Variants in CLU observed in about 807,000 individuals in gnomAD.
The protein encoded by CLU is aging-associated protein 4.
Under a neutral mutation model 46.4 loss-of-function variants are expected in CLU, and 25 were observed. That is an observed-to-expected ratio of 0.54 (90% CI 0.39 to 0.75). The LOEUF is 0.75. Ranked by LOEUF, CLU falls within the 30% of genes least tolerant of loss-of-function variation. CLU has a pLI of 0.00. For synonymous variants in CLU, 235 were observed against 235.1 expected (o/e 1.00, Z 0.00); for missense variants, 504 against 592.1 (o/e 0.85, Z 1.54).
chr8:27,606,681 C>A (rs1800828341), intron 3 of CLU, among the ~76,000 whole-genome samples, 157 bp from the exon 4 acceptor site: 1 of 152,216 alleles, frequency 6.6e-6, no homozygotes, highest in African/African-American at 2.4e-5. Context: ...TTCAAGCTTC[C>A]CCTCATTCGC....
chr8:27,608,346 A>G (rs1295013333), intron 3 of CLU, among the ~76,000 whole-genome samples: 2 of 152,244 alleles, frequency 1.3e-5, no homozygotes, highest in Non-Finnish European at 2.9e-5. Context: ...ACATCTTAGC[A>G]TCTGAAGTAG....
At chr8:27,611,380 C>T in intron 1 of CLU, 1 of 456,962 alleles carries the variant, frequency 2.2e-6, no homozygotes, top group Non-Finnish European at 4.4e-6. Context: ...CTGCCAGGCC[C>T]TCCACACTGC....
chr8:27,599,463 C>T lies in CLU; in HGVS notation c.1164+317G>A. On this transcript the variant is annotated intron_variant, in intron 7 of 8. Coordinates refer to ENST00000316403, the MANE Select transcript of CLU (RefSeq NM_001831.4). This position sits in a 1 kb window ranked among gnomAD's most constrained non-coding sequence, Gnocchi z 4.0. ...AGAACAGAGGCTTCTGGTTTATTCACAGATTTGTGCACCAAAACAAAAACA... is the reference window on the plus strand; with the variant it reads ...AGAACAGAGGCTTCTGGTTTATTCATAGATTTGTGCACCAAAACAAAAACA... 5.3e-6 allele frequency: 2 copies of T among 376,352 alleles called. No individual in the cohort carries two copies. The highest frequency in any genetic ancestry group is 1.0e-5 in the Non-Finnish European group (2 of 199,668). The allele number at this position is 376,352 out of a possible 1,614,324, so 23.3% of individuals were successfully genotyped here. A position where few individuals can be genotyped will look rare whatever the true frequency, so the allele number is the denominator to read the frequency against.
intron 6 of CLU, among the ~76,000 whole-genome samples, chr8:27,601,503 G>C (rs1800721073): frequency 6.6e-6 from 1 of 152,236 alleles, no homozygotes; most frequent in Non-Finnish European, 1.5e-5. Flanking sequence ...GCAGGGAAAA[G>C]AGAATTCATT....
chr8:27,600,179 A>G (rs1451164227), intron 6 of CLU, among the ~76,000 whole-genome samples, 170 bp from the exon 7 acceptor site: 3 of 152,236 alleles, frequency 2.0e-5, no homozygotes. Context: ...GTTTTGCCTC[A>G]GAATGTGAAT....
chr8:27,601,134 C>T (rs1800713356), intron 6 of CLU, among the ~76,000 whole-genome samples: 1 of 152,162 alleles, frequency 6.6e-6, no homozygotes, highest in South Asian at 2.1e-4. Flanking sequence ...CTGCAACCTC[C>T]ACCTCCCGGG....
At chr8:27,613,649 T>C (rs1048219591) in intron 1 of CLU, 4 of 152,222 alleles carry the variant, frequency 2.6e-5, no homozygotes, top group African/African-American at 9.6e-5. Context: ...ATGCAGTTTA[T>C]ACAAGATTCT....
Position 27,597,476 on chromosome 8 carries a change from C to A in CLU, c.*765G>T, listed in dbSNP as rs759085314. 2 of 454,306 alleles carry A rather than the reference C, an allele frequency of 4.4e-6. No individual in the cohort carries two copies. The highest frequency in any genetic ancestry group is 3.1e-5 in the South Asian group (2 of 64,478). The allele number at this position is 454,306 out of a possible 1,614,324, so 28.1% of individuals were successfully genotyped here. A position where few individuals can be genotyped will look rare whatever the true frequency, so the allele number is the denominator to read the frequency against. ...AAGAAGATGCCCCTGGGATGCTGAG[C>A]TCTTACAACTCGAAATCAACAGCTT... On this transcript the variant is annotated 3_prime_UTR_variant, in exon 9 of 9. Coordinates refer to ENST00000316403, the MANE Select transcript of CLU (RefSeq NM_001831.4).
chr8:27,610,309 C>G (rs1800899146), intron 2 of CLU, among the ~76,000 whole-genome samples, 166 bp downstream of exon 2: 1 of 152,202 alleles, frequency 6.6e-6, no homozygotes, highest in African/African-American at 2.4e-5. Context: ...GGCCTCGGAG[C>G]TGAGGCTCAG....
chr8:27,609,178 A>G lies in CLU; in HGVS notation c.98-92T>C, dbSNP rs556838140. On this transcript the variant is annotated intron_variant, in intron 2 of 8. Transcript: ENST00000316403. ...GCTGGATGGCCAGAAAGGCCCGTTC[A>G]GTTCAGGGGCTGTCAAGGCTGGGAC... 67 of 1,405,704 alleles carry G rather than the reference A, an allele frequency of 4.8e-5. No individual in the cohort carries two copies. In the African/African-American group the frequency reaches 7.2e-4, roughly 15 times the overall value. 87.1% of individuals were successfully genotyped at this position (1,405,704 alleles called of 1,614,324 possible).
chr8:27,611,220 G>A (rs1377050644), intron 1 of CLU: 2 of 454,218 alleles, frequency 4.4e-6, no homozygotes, highest in South Asian at 1.6e-5. Context: ...TCCCTAGTGG[G>A]AGACTTGGGC....
At chr8:27,604,151 G>C (rs192011917) in intron 6 of CLU, 140 bp downstream of exon 6, 1 of 712,644 alleles carries the variant, frequency 1.4e-6, no homozygotes. Context: ...GACCTGCCCC[G>C]GGACACAGCT....
intron 6 of CLU, among the ~76,000 whole-genome samples, chr8:27,603,094 C>A (rs2128908627): frequency 6.6e-6 from 1 of 152,296 alleles, no homozygotes; most frequent in South Asian, 2.1e-4. Flanking sequence ...TAATCAATGA[C>A]TGTTAAGATT....
At chr8:27,604,121 C>T (rs1800770072) in intron 6 of CLU, 170 bp downstream of exon 6, 6 of 642,496 alleles carry the variant, frequency 9.3e-6, no homozygotes, top group African/African-American at 3.6e-5. Context: ...GATGAGGAAC[C>T]GAAGCTGCAT....
intron 4 of CLU, 101 bp downstream of exon 4, chr8:27,606,253 A>T: frequency 7.4e-7 from 1 of 1,357,690 alleles, no homozygotes. Flanking sequence ...AAGCCAGCCA[A>T]TGCTAATCAA....
At position 27,599,435 on chromosome 8, in the gene CLU, A is replaced by G. The variant is rs1236045988; in HGVS notation, c.1164+345T>C. 3.5e-5 allele frequency: 11 copies of G among 316,410 alleles called. No individual in the cohort carries two copies. In the Admixed American group the frequency reaches 5.0e-4, roughly 14 times the overall value. The allele number at this position is 316,410 out of a possible 1,614,324, so 19.6% of individuals were successfully genotyped here. On this transcript the variant is annotated intron_variant, in intron 7 of 8. Coordinates refer to ENST00000316403, the MANE Select transcript of CLU (RefSeq NM_001831.4). This position sits in a 1 kb window ranked among gnomAD's most constrained non-coding sequence, Gnocchi z 4.0. ...CAGAGGGCAGCCTTGTAGCTTTGAG[A>G]AAAGAACAGAGGCTTCTGGTTTATT...
At position 27,598,537 on chromosome 8, in the gene CLU, T is replaced by C. The variant is rs776983104; in HGVS notation, c.1263A>G (p.Val421=). Residue 421 remains valine (V), a synonymous_variant, in exon 8 of 9, where the codon GTA becomes GTG. Coordinates refer to ENST00000316403, the MANE Select transcript of CLU (RefSeq NM_001831.4). ...DSDPITVTVP[V]EVSRKNPKFM... is the part of the protein sequence containing the mutation. ...ATTTAGGGTTCTTCCTGGAGACTTC[T>C]ACAGGGACCGTCACAGTGATGGGAT... 2 of 1,614,186 alleles carry C rather than the reference T, an allele frequency of 1.2e-6. No homozygotes were observed. The highest frequency in any genetic ancestry group is 4.5e-5 in the East Asian group (2 of 44,882).
chr8:27,607,840 C>T (rs1800849734), intron 3 of CLU, among the ~76,000 whole-genome samples: 1 of 152,110 alleles, frequency 6.6e-6, no homozygotes, highest in African/African-American at 2.4e-5. Context: ...CAAGGACAAC[C>T]CACCTCCCAC....
chr8:27,606,359 G>T lies in CLU; in HGVS notation c.412C>A (p.Arg138Ser), dbSNP rs757239189. 6.2e-7 allele frequency: 1 copy of T among 1,613,890 alleles called. No homozygotes were observed. Among genetic ancestry groups the T allele is most frequent in the Non-Finnish European group, 8.5e-7 (1 of 1,180,040 alleles). The change falls in exon 4 of 9, where the codon CGC (arginine) becomes AGC (serine). Residue 138 changes from arginine (R) to serine (S), a missense_variant. Arg to Ser is a moderately radical substitution (Grantham distance 110). This residue lies in a region of CLU where 428 missense variants were observed against 484.0 expected (regional missense o/e 0.88). Coordinates refer to ENST00000316403, the MANE Select transcript of CLU (RefSeq NM_001831.4). ...CTCATGTGTCCCCTTTTCACCTGGC[G>T]GCCAACCAGGCCTGAGCCACTTCTG... is the stretch of plus-strand genomic sequence containing the variant. Reference protein sequence around the residue: ...VCRSGSGLVGRQLEEFLNQSS... With the variant: ...VCRSGSGLVGSQLEEFLNQSS...
Sources: allele counts gnomAD v4.1 joint callset (sites outside exome capture counted in the v4.1 genomes callset), GRCh38; gene constraint gnomAD v4.1.1; regional missense constraint gnomAD v4.1.1; non-coding constraint Gnocchi (gnomAD v3.1); transcripts MANE v1.5; gene names NCBI Gene and HGNC (gene_info 2026-07-23, HGNC 2026-07-21).